Variants in GRIK4 observed in about 807,000 individuals in gnomAD.
GRIK4 encodes glutamate receptor ionotropic, kainate 4.
GRIK4 carries 40 observed loss-of-function variants against 104.9 expected under a neutral mutation model. The ratio of observed to expected loss-of-function variants is 0.38; its 90% CI spans 0.30 to 0.50. GRIK4 has a LOEUF of 0.50. Ranked by LOEUF, GRIK4 falls within the 20% of genes least tolerant of loss-of-function variation. GRIK4 has a pLI of 0.93. For synonymous variants in GRIK4, 485 were observed against 524.9 expected (o/e 0.92, Z 1.04); for missense variants, 1,047 against 1,308.1 (o/e 0.80, Z 3.08).
chr11:120,811,872 A>G (rs970343396), intron 4 of GRIK4, among the ~76,000 whole-genome samples: 1 of 152,158 alleles, frequency 6.6e-6, no homozygotes, highest in Admixed American at 6.5e-5. Context: ...GAAGGTGTTG[A>G]GTGGGCCTCA....
At chr11:120,725,071 G>A (rs1319965794) in intron 3 of GRIK4, among the ~76,000 whole-genome samples, 4 of 152,170 alleles carry the variant, frequency 2.6e-5, no homozygotes, top group Non-Finnish European at 4.4e-5. Context: ...TAGGGATTAT[G>A]TGGATTTTTG....
At chr11:120,833,707 T>C (rs1160115851) in intron 7 of GRIK4, among the ~76,000 whole-genome samples, 2 of 152,238 alleles carry the variant, frequency 1.3e-5, no homozygotes, top group African/African-American at 2.4e-5. Context: ...AGAAAGCACA[T>C]AGAAGAAACT....
At chr11:120,858,511 A>G (rs1216078872) in intron 8 of GRIK4, 2 of 152,226 alleles carry the variant, frequency 1.3e-5, no homozygotes, top group Admixed American at 1.3e-4. Context: ...GTGTTTGGGA[A>G]GTTCAGGGTT....
At chr11:120,630,272 C>G (rs1009840586) in intron 1 of GRIK4, among the ~76,000 whole-genome samples, 1 of 152,262 alleles carries the variant, frequency 6.6e-6, no homozygotes, top group African/African-American at 2.4e-5. Context: ...CCCTTGGGAG[C>G]AGACAAACCA....
intron 3 of GRIK4, among the ~76,000 whole-genome samples, chr11:120,756,037 C>A (rs886095400): frequency 6.6e-6 from 1 of 152,168 alleles, no homozygotes; most frequent in East Asian, 1.9e-4. Context: ...GGACTCCAGA[C>A]CTGACTGGAT....
chr11:120,575,165 G>A (rs1025029371), intron 1 of GRIK4, among the ~76,000 whole-genome samples: 2 of 152,118 alleles, frequency 1.3e-5, no homozygotes, highest in African/African-American at 4.8e-5. Context: ...GTTCAGTTAT[G>A]CACGTTCATG....
intron 6 of GRIK4, among the ~76,000 whole-genome samples, chr11:120,825,815 C>T (rs553925975): frequency 6.6e-5 from 10 of 152,180 alleles, no homozygotes; most frequent in Admixed American, 1.3e-4. Flanking sequence ...GCCCAGAACA[C>T]GATACCACAT....
intron 3 of GRIK4, among the ~76,000 whole-genome samples, chr11:120,788,094 C>T (rs958617999): frequency 1.1e-4 from 16 of 151,578 alleles, no homozygotes; most frequent in African/African-American, 3.6e-4. Flanking sequence ...TGGTCTCAAT[C>T]TCCTGACCTC....
At chr11:120,594,248 C>T (rs1054295440) in intron 1 of GRIK4, among the ~76,000 whole-genome samples, 1 of 152,200 alleles carries the variant, frequency 6.6e-6, no homozygotes, top group African/African-American at 2.4e-5. Context: ...GAGGCCAAGG[C>T]CGGCAGATTG....
At chr11:120,873,701 C>T in intron 9 of GRIK4, 1 of 185,940 alleles carries the variant, frequency 5.4e-6, no homozygotes, top group Non-Finnish European at 1.1e-5. Flanking sequence ...CCTTTCTCTT[C>T]TTGACATAAG....
chr11:120,707,868 G>A (rs1950657326), intron 3 of GRIK4, among the ~76,000 whole-genome samples: 1 of 152,166 alleles, frequency 6.6e-6, no homozygotes, highest in African/African-American at 2.4e-5. Context: ...CGCTACTTGA[G>A]CTTCCTCACA....
At chr11:120,792,302 G>T (rs897807188) in intron 3 of GRIK4, among the ~76,000 whole-genome samples, 1 of 151,712 alleles carries the variant, frequency 6.6e-6, no homozygotes, top group African/African-American at 2.4e-5. Flanking sequence ...GCTTCTAGAA[G>T]GTAGAGAGGG....
At position 120,515,349 on chromosome 11, in the gene GRIK4, C is replaced by A. The variant is rs190485483; in HGVS notation, c.-159+3462C>A. Reference sequence around the variant, plus strand: ...ACCTCTCTGAGCCTCACTGCCCTCACCTGTAAAATGGGGACTCTGAGCCTC... The same window carrying A: ...ACCTCTCTGAGCCTCACTGCCCTCAACTGTAAAATGGGGACTCTGAGCCTC... On this transcript the variant is annotated intron_variant, in intron 1 of 20. Coordinates refer to ENST00000527524, the MANE Select transcript of GRIK4 (RefSeq NM_014619.5). 4.6e-5 allele frequency among the ~76,000 whole-genome samples: 7 copies of A among 152,298 alleles called. No individual in the cohort carries two copies. The East Asian group carries it at 1.4e-3, about 29-fold the overall frequency.
At chr11:120,582,909 C>G (rs774270452) in intron 1 of GRIK4, among the ~76,000 whole-genome samples, 2 of 152,192 alleles carry the variant, frequency 1.3e-5, no homozygotes, top group Non-Finnish European at 2.9e-5. Flanking sequence ...AATGTTAATT[C>G]TAAGTTCCTG....
At chr11:120,699,175 C>T (rs61901364) in intron 3 of GRIK4, among the ~76,000 whole-genome samples, 17,547 of 151,978 alleles carry the variant, frequency 0.12, 1,104 homozygotes, top group South Asian at 0.2. Flanking sequence ...GGTGGCAAGG[C>T]GAGGCCAGCA....
At chr11:120,882,321 T>G (rs944102610) in intron 11 of GRIK4, among the ~76,000 whole-genome samples, 3 of 152,186 alleles carry the variant, frequency 2.0e-5, no homozygotes, top group Non-Finnish European at 2.9e-5. Flanking sequence ...GAATTTACCA[T>G]AAATATGCAG....
At chr11:120,982,009 T>A in intron 19 of GRIK4, 97 bp from the exon 20 acceptor site, 1 of 845,462 alleles carries the variant, frequency 1.2e-6, no homozygotes, top group South Asian at 1.4e-5. Flanking sequence ...TCTACCATAC[T>A]CAAGTTCTTG....
Position 120,802,847 on chromosome 11 carries a change from T to C in GRIK4, c.237T>C (p.Thr79=). ...FELLRDSEYE[T]AETMCQILPK... ...TTCTCAGAGACAGCGAGTACGAGAC[T>C]GCAGAAACCAGTACGTAGACTGGGC... Residue 79 remains threonine, a synonymous_variant, in exon 4 of 21, where the codon ACT becomes ACC. Coordinates refer to ENST00000527524, the MANE Select transcript of GRIK4 (RefSeq NM_014619.5). The C allele has an allele frequency of 6.2e-7, 1 of 1,614,134 alleles. No homozygotes were observed.
intron 1 of GRIK4, among the ~76,000 whole-genome samples, chr11:120,577,403 T>C (rs1948499332): frequency 6.6e-6 from 1 of 151,836 alleles, no homozygotes; most frequent in Admixed American, 6.6e-5. Context: ...GGGCTTCTTC[T>C]GGTTCTGAAG....
Sources: allele counts gnomAD v4.1 joint callset (sites outside exome capture counted in the v4.1 genomes callset), GRCh38; gene constraint gnomAD v4.1.1; transcripts MANE v1.5; gene names NCBI Gene and HGNC (gene_info 2026-07-23, HGNC 2026-07-21).